The following ST8SIA5 variants were observed in gnomAD, a reference collection of about 807,000 sequenced individuals.
ST8SIA5 encodes the protein ST8 alpha-N-acetyl-neuraminide alpha-2,8-sialyltransferase 5, also known as alpha-2,8-sialyltransferase 8E.
In ST8SIA5, 24 loss-of-function variants were observed where a neutral mutation model predicts 40.2. That is an observed-to-expected ratio of 0.60 (90% CI 0.43 to 0.84). ST8SIA5 has a LOEUF of 0.84. Ranked by LOEUF, ST8SIA5 falls within the 40% of genes least tolerant of loss-of-function variation. ST8SIA5 has a pLI of 0.00. For synonymous variants in ST8SIA5, 198 were observed against 201.8 expected, an observed-to-expected ratio of 0.98 and a Z score of 0.16; for missense variants, 465 against 498.5, an observed-to-expected ratio of 0.93 and a Z score of 0.64.
chr18:46,699,620 C>A (rs980630398), intron 2 of ST8SIA5, among the ~76,000 whole-genome samples: 41 of 152,174 alleles, frequency 2.7e-4, no homozygotes, highest in Non-Finnish European at 4.7e-4. Context: ...ACCTCGTGAT[C>A]CACCCGCCTC....
At chr18:46,716,489 C>T (rs1401993926) in intron 1 of ST8SIA5, among the ~76,000 whole-genome samples, 3 of 152,202 alleles carry the variant, frequency 2.0e-5, no homozygotes, top group Admixed American at 1.3e-4. Context: ...GGGCCAGCCC[C>T]GCTCCGGACC....
At chr18:46,756,257 T>C (rs2040244051) in intron 1 of ST8SIA5, 121 bp downstream of exon 1, 1 of 1,400,994 alleles carries the variant, frequency 7.1e-7, no homozygotes, top group African/African-American at 1.5e-5. Context: ...TGCTCGGGGC[T>C]AGGAGCGGAC....
At chr18:46,688,992 C>T (rs186630931) in intron 3 of ST8SIA5, 73 bp from the exon 4 acceptor site, 43 of 1,536,046 alleles carry the variant, frequency 2.8e-5, no homozygotes, top group African/African-American at 1.8e-4. Context: ...CACAACCTCA[C>T]GGAGAACAGA....
Position 46,672,912 on chromosome 18 carries a change from C to T in ST8SIA5, c.*7130G>A, listed in dbSNP as rs2144443036. 6.6e-6 allele frequency: 1 copy of T among 152,306 alleles called. No homozygotes were observed. Among genetic ancestry groups the T allele is most frequent in the African/African-American group, 2.4e-5 (1 of 41,564 alleles). 9.4% of individuals were successfully genotyped at this position (152,306 alleles called of 1,614,324 possible). A position where few individuals can be genotyped will look rare whatever the true frequency, so the allele number is the denominator to read the frequency against. ...GTTAATGTCATTTGAGAGCTGCTTG[C>T]ACCTAAGTGATTCTAAAAAGTCTCT... On this transcript the variant is annotated 3_prime_UTR_variant, in exon 7 of 7. Coordinates refer to ENST00000315087, the MANE Select transcript of ST8SIA5 (RefSeq NM_013305.6).
chr18:46,684,706 A>G (rs1309523000), intron 5 of ST8SIA5, among the ~76,000 whole-genome samples: 1 of 152,180 alleles, frequency 6.6e-6, no homozygotes, highest in Non-Finnish European at 1.5e-5. Flanking sequence ...CTGAGTAGTT[A>G]TGTTGTGCCA....
intron 1 of ST8SIA5, among the ~76,000 whole-genome samples, chr18:46,723,712 G>A (rs1440723257): frequency 6.6e-6 from 1 of 152,090 alleles, no homozygotes. Flanking sequence ...GACTGCCTGA[G>A]GCCAGGAGTT....
chr18:46,713,510 G>A (rs1356211332), intron 1 of ST8SIA5, among the ~76,000 whole-genome samples: 1 of 152,156 alleles, frequency 6.6e-6, no homozygotes, highest in East Asian at 1.9e-4. Context: ...GGGACTTCAG[G>A]AAACACTGGG....
intron 1 of ST8SIA5, among the ~76,000 whole-genome samples, chr18:46,735,289 C>T (rs538537660): frequency 3.3e-5 from 5 of 152,316 alleles, no homozygotes; most frequent in East Asian, 3.9e-4. Flanking sequence ...TGTGGGACTT[C>T]GCTTTGTGAT....
At chr18:46,732,251 C>T (rs188520462) in intron 1 of ST8SIA5, among the ~76,000 whole-genome samples, 7 of 152,322 alleles carry the variant, frequency 4.6e-5, no homozygotes, top group Non-Finnish European at 1.0e-4. Context: ...GTAGAGTGCA[C>T]CATCAGCCAT....
chr18:46,695,873 C>G (rs957004994), intron 2 of ST8SIA5, among the ~76,000 whole-genome samples: 2 of 152,202 alleles, frequency 1.3e-5, no homozygotes, highest in African/African-American at 4.8e-5. Context: ...ATGGCAGGAA[C>G]TAGAAATACA....
At chr18:46,743,896 T>C (rs2040111924) in intron 1 of ST8SIA5, among the ~76,000 whole-genome samples, 1 of 151,874 alleles carries the variant, frequency 6.6e-6, no homozygotes, top group African/African-American at 2.4e-5. Flanking sequence ...CAGAAGAGAG[T>C]GGGGGCCAAT....
chr18:46,705,848 A>T (rs1230164410), intron 1 of ST8SIA5, among the ~76,000 whole-genome samples: 2 of 152,254 alleles, frequency 1.3e-5, no homozygotes, highest in Non-Finnish European at 2.9e-5. Flanking sequence ...GGGGCTCCCC[A>T]GGGCCAAGGA....
In ST8SIA5 at chr18:46,670,753, A is replaced by G. The variant is rs1425328102; in HGVS notation, c.*9289T>C. ...GGACATATTTTCTTATCCTTAATGT[A>G]GTGTTTTTTTTTTTCCAAAGACAAG... On this transcript the variant is annotated 3_prime_UTR_variant, in exon 7 of 7. Transcript: ENST00000315087. 1 of 149,860 alleles carries G rather than the reference A, an allele frequency of 6.7e-6. No individual in the cohort carries two copies. The highest frequency in any genetic ancestry group is 6.6e-5 in the Admixed American group (1 of 15,054). The allele number at this position is 149,860 out of a possible 1,614,324, so 9.3% of individuals were successfully genotyped here.
rs1416230794 is a variant in ST8SIA5 at position 46,719,720 on chromosome 18, C to CTCTTTCTT, written c.132-15057_132-15056insAAGAAAGA. Among the ~76,000 whole-genome samples the CTCTTTCTT allele has an allele frequency of 5.5e-3, 31 of 5,686 alleles. No individual in the cohort carries two copies. The South Asian group carries it at 0.18, about 34-fold the overall frequency. 3.7% of individuals were successfully genotyped at this position (5,686 alleles called of 152,430 possible). ...TTTCTTTCTTTCTCTCTTTCTTTCT[C>CTCTTTCTT]TCTTTCTCTCTCTTCTTTCCTTCCT... On this transcript the variant is annotated intron_variant, in intron 1 of 6. Transcript: ENST00000315087.
rs898986845 is a variant in ST8SIA5, at chr18:46,756,996, G to A, written c.-488C>T. ...CTGTGCCCTGCCGGGGGCGGGCCAC[G>A]TTTGATCTCCGGGCCCGCAGCAAGG... On this transcript the variant is annotated 5_prime_UTR_variant, in exon 1 of 7. It adds an upstream start codon to the 5' untranslated region. Coordinates refer to ENST00000315087, the MANE Select transcript of ST8SIA5 (RefSeq NM_013305.6). 6 of 156,020 alleles carry A rather than the reference G, an allele frequency of 3.8e-5. No homozygotes were observed. Among genetic ancestry groups the A allele is most frequent in the African/African-American group, 1.4e-4 (6 of 41,484 alleles). The allele number at this position is 156,020 out of a possible 1,614,324, so 9.7% of individuals were successfully genotyped here. A position where few individuals can be genotyped will look rare whatever the true frequency, so the allele number is the denominator to read the frequency against.
Position 46,756,592 on chromosome 18 carries a change from G to A in ST8SIA5, c.-84C>T. 8 of 1,461,770 alleles carry A rather than the reference G, an allele frequency of 5.5e-6. No individual in the cohort carries two copies. In the South Asian group the frequency reaches 9.5e-5, roughly 17 times the overall value. The allele number at this position is 1,461,770 out of a possible 1,614,324, so 90.5% of individuals were successfully genotyped here. A position where few individuals can be genotyped will look rare whatever the true frequency, so the allele number is the denominator to read the frequency against. ...GTTCCGGGGCCCCGGGGGGCGCGCG[G>A]CCGACTTGGCGCCTCACGGTGCGGT... is the stretch of plus-strand genomic sequence containing the variant. On this transcript the variant is annotated 5_prime_UTR_variant, in exon 1 of 7. Transcript: ENST00000315087.
chr18:46,735,563 T>C (rs756201092), intron 1 of ST8SIA5, among the ~76,000 whole-genome samples: 13 of 152,218 alleles, frequency 8.5e-5, no homozygotes, highest in Non-Finnish European at 1.6e-4. Flanking sequence ...TGAGAATTGA[T>C]GGATTGTATC....
In ST8SIA5 at chr18:46,755,150, G is replaced by C. The variant is rs1599161616; in HGVS notation, c.131+1228C>G. 2.6e-5 allele frequency among the ~76,000 whole-genome samples: 4 copies of C among 152,332 alleles called. No homozygotes were observed. The South Asian group carries it at 8.3e-4, about 32-fold the overall frequency. On this transcript the variant is annotated intron_variant, in intron 1 of 6. Coordinates refer to ENST00000315087, the MANE Select transcript of ST8SIA5 (RefSeq NM_013305.6). The stretch of plus-strand genomic sequence containing the variant: ...TGCCTCATTACTCCCCAGCTCCGGG[G>C]GAGTTACAAGGAGGGGAAACAGCCT...
chr18:46,701,614 G>A (rs985975523), intron 2 of ST8SIA5, among the ~76,000 whole-genome samples: 1 of 152,180 alleles, frequency 6.6e-6, no homozygotes, highest in Non-Finnish European at 1.5e-5. Context: ...AGAGGCCTCA[G>A]AAGAAGCCAG....
Sources: allele counts gnomAD v4.1 joint callset (sites outside exome capture counted in the v4.1 genomes callset), GRCh38; gene constraint gnomAD v4.1.1; transcripts MANE v1.5; gene names NCBI Gene and HGNC (gene_info 2026-07-23, HGNC 2026-07-21).